UNC13C: variants seen among roughly 807,000 people sequenced by gnomAD.
UNC13C encodes protein unc-13 homolog C.
In UNC13C, 174 loss-of-function variants were observed where a neutral mutation model predicts 245.4. That is an observed-to-expected ratio of 0.71 (90% confidence interval 0.63 to 0.80). The LOEUF is 0.80. UNC13C is among the 30% of genes least tolerant of loss of function. The pLI, the probability that UNC13C is intolerant of heterozygous loss-of-function variation, is 0.00. For synonymous variants in UNC13C, 992 were observed against 895.1 expected (o/e 1.11, Z -1.93); for missense variants, 2,829 against 2,602.9 (o/e 1.09, Z -1.89).
chr15:53,874,954 T>C, the UNC13C span, among the ~76,000 whole-genome samples: 1 of 151,986 alleles, frequency 6.6e-6, no homozygotes, highest in Non-Finnish European at 1.5e-5. Flanking sequence ...ATTAGCCGGG[T>C]GTGGTGGCAT....
chr15:54,330,524 A>C (rs1183700333), intron 14 of UNC13C, among the ~76,000 whole-genome samples: 1 of 152,068 alleles, frequency 6.6e-6, no homozygotes, highest in African/African-American at 2.4e-5. Flanking sequence ...TTGATCAGTC[A>C]CTTCAACTGT....
intron 30 of UNC13C, among the ~76,000 whole-genome samples, chr15:54,601,266 G>A (rs1244466862): frequency 6.6e-6 from 1 of 152,186 alleles, no homozygotes; most frequent in Non-Finnish European, 1.5e-5. Context: ...GGATGCCGCA[G>A]GGAATCCAGA....
upstream of UNC13C, among the ~76,000 whole-genome samples, chr15:53,977,738 C>A (rs1893756492): frequency 6.6e-6 from 1 of 152,154 alleles, no homozygotes; most frequent in Non-Finnish European, 1.5e-5. Context: ...TTACTCCCCC[C>A]ACCTCCTCTA....
At chr15:54,595,839 A>G (rs1353389485) in intron 30 of UNC13C, among the ~76,000 whole-genome samples, 2 of 152,248 alleles carry the variant, frequency 1.3e-5, no homozygotes, top group Admixed American at 6.5e-5. Flanking sequence ...CCAATGAATT[A>G]GACTTGATCT....
intron 19 of UNC13C, among the ~76,000 whole-genome samples, chr15:54,424,393 GTTTT>G (rs973160279): frequency 6.6e-6 from 1 of 151,502 alleles, no homozygotes; most frequent in African/African-American, 2.4e-5. Flanking sequence ...GGAAACCATG[GTTTT>G]TTTTGTTTGT....
chr15:54,136,961 C>G (rs1229827259), intron 2 of UNC13C, among the ~76,000 whole-genome samples: 4 of 152,010 alleles, frequency 2.6e-5, no homozygotes, highest in Non-Finnish European at 5.9e-5. Context: ...CTCAGCCTCC[C>G]CAGTAGCTGG....
chr15:54,503,597 T>C (rs1039055485), intron 22 of UNC13C, among the ~76,000 whole-genome samples: 3 of 152,072 alleles, frequency 2.0e-5, no homozygotes, highest in Non-Finnish European at 4.4e-5. Context: ...CATACCCGGC[T>C]AATTTTTTGC....
At chr15:53,996,350 C>A (rs190457497) in intron 1 of UNC13C, among the ~76,000 whole-genome samples, 34 of 152,216 alleles carry the variant, frequency 2.2e-4, no homozygotes, top group African/African-American at 7.5e-4. Context: ...AGAGGTGAGG[C>A]CTGGTCTTTG....
intron 14 of UNC13C, among the ~76,000 whole-genome samples, chr15:54,329,246 C>T (rs1401841780): frequency 6.6e-6 from 1 of 151,648 alleles, no homozygotes; most frequent in Admixed American, 6.6e-5. Context: ...ACTGGAATAT[C>T]GATCATCTCA....
intron 17 of UNC13C, among the ~76,000 whole-genome samples, chr15:54,349,813 G>T (rs1271598101): frequency 6.6e-6 from 1 of 152,046 alleles, no homozygotes; most frequent in Admixed American, 6.5e-5. Flanking sequence ...GGCAACCCAG[G>T]TATCTTTCAC....
At chr15:54,287,168 A>T (rs10851564) in intron 10 of UNC13C, among the ~76,000 whole-genome samples, 117,687 of 152,034 alleles carry the variant, frequency 0.77, 46,702 homozygotes, top group African/African-American at 0.94. Context: ...GCATTCTCCC[A>T]CTATTACACA....
chr15:53,898,785 A>G, the UNC13C span, among the ~76,000 whole-genome samples: 3 of 152,358 alleles, frequency 2.0e-5, 1 homozygote, highest in Admixed American at 2.0e-4. Context: ...TTAAAAAAAT[A>G]TAAGAATACT....
chr15:54,613,693 T>G (rs1900251225), intron 30 of UNC13C, among the ~76,000 whole-genome samples: 2 of 152,004 alleles, frequency 1.3e-5, no homozygotes, highest in African/African-American at 4.8e-5. Flanking sequence ...AAAATCAAAA[T>G]AGAGATATAA....
chr15:54,413,434 G>A (rs1461436234), intron 18 of UNC13C, among the ~76,000 whole-genome samples: 1 of 152,064 alleles, frequency 6.6e-6, no homozygotes, highest in Non-Finnish European at 1.5e-5. Flanking sequence ...ACTACAAAAT[G>A]TGTTATGCTA....
intron 4 of UNC13C, among the ~76,000 whole-genome samples, chr15:54,178,580 C>A (rs1187252249): frequency 6.6e-6 from 1 of 152,096 alleles, no homozygotes; most frequent in Non-Finnish European, 1.5e-5. Context: ...GAGGGATAAG[C>A]CTTTCCAAGG....
In UNC13C at chr15:54,237,696, T is replaced by C. The variant is rs761004297; in HGVS notation, c.3228+6T>C. 1.2e-6 allele frequency: 2 copies of C among 1,600,218 alleles called. No homozygotes were observed. Among genetic ancestry groups the C allele is most frequent in the East Asian group, 4.5e-5 (2 of 44,734 alleles). On this transcript the variant is annotated splice_donor_region_variant and intron_variant, in intron 7 of 32. Coordinates refer to ENST00000260323, the MANE Select transcript of UNC13C (RefSeq NM_001080534.3). The stretch of plus-strand genomic sequence containing the variant: ...CCCTAAATAATGAGGAACTGGTAAG[T>C]ACTAGATATTGCTCATAATATCTAA...
chr15:54,093,219 T>C (rs1311350559), intron 2 of UNC13C, among the ~76,000 whole-genome samples: 1 of 151,674 alleles, frequency 6.6e-6, no homozygotes, highest in African/African-American at 2.4e-5. Context: ...AAATCAATCT[T>C]GTCTATTTTG....
chr15:53,963,025 T>C, the UNC13C span, among the ~76,000 whole-genome samples: 1 of 152,214 alleles, frequency 6.6e-6, no homozygotes, highest in South Asian at 2.1e-4. Flanking sequence ...TTTTTTCACA[T>C]TACCTTACAG....
At chr15:54,555,327 C>A in intron 28 of UNC13C, 105 bp from the exon 29 acceptor site, 2 of 815,364 alleles carry the variant, frequency 2.5e-6, no homozygotes, top group Non-Finnish European at 4.0e-6. Flanking sequence ...GAAGATATTT[C>A]AAATAGGAAG....
Sources: allele counts gnomAD v4.1 joint callset (sites outside exome capture counted in the v4.1 genomes callset), GRCh38; gene constraint gnomAD v4.1.1; transcripts MANE v1.5; gene names NCBI Gene and HGNC (gene_info 2026-07-23, HGNC 2026-07-21).